Variants in DYNC2LI1 observed in about 807,000 individuals in gnomAD.
DYNC2LI1 encodes the protein dynein cytoplasmic 2 light intermediate chain 1.
In DYNC2LI1, 45 loss-of-function variants were observed where a neutral mutation model predicts 51.9. The ratio of observed to expected loss-of-function variants is 0.87; its 90% CI spans 0.68 to 1.11. The LOEUF (loss-of-function observed/expected upper bound fraction) is 1.11. DYNC2LI1 is among the 50% of genes most tolerant of loss of function. The probability of loss-of-function intolerance (pLI) is 0.00; values close to 1 mark genes in which losing one functional copy is unlikely to be tolerated. For missense variants in DYNC2LI1, 490 were observed against 417.4 expected, an observed-to-expected ratio of 1.17 and a Z score of -1.51; for synonymous variants, 130 against 137.8, an observed-to-expected ratio of 0.94 and a Z score of 0.40.
downstream of DYNC2LI1, among the ~76,000 whole-genome samples, chr2:43,812,244 T>C (rs1353929748): frequency 6.6e-6 from 1 of 152,114 alleles, no homozygotes; most frequent in African/African-American, 2.4e-5. Context: ...ATATGGACTT[T>C]AAATAACAGC....
the DYNC2LI1 span, among the ~76,000 whole-genome samples, chr2:43,817,116 A>G: frequency 0.39 from 58,905 of 152,108 alleles, 13,412 homozygotes; most frequent in African/African-American, 0.63. Flanking sequence ...TGGAATTCAT[A>G]TGAAGCCTTG....
chr2:43,826,263 G>A, the DYNC2LI1 span: 1 of 1,487,904 alleles, frequency 6.7e-7, no homozygotes. Context: ...GCCTCCCAAA[G>A]TGCTGGAATT....
At chr2:43,798,685 A>G (rs187480817) in intron 8 of DYNC2LI1, among the ~76,000 whole-genome samples, 4 of 152,354 alleles carry the variant, frequency 2.6e-5, no homozygotes, top group Admixed American at 2.0e-4. Context: ...ATCAGGGACC[A>G]GGGAATGACT....
intron 5 of DYNC2LI1, 81 bp from the exon 6 acceptor site, chr2:43,794,376 C>T: frequency 7.3e-7 from 1 of 1,367,482 alleles, no homozygotes; most frequent in Non-Finnish European, 9.8e-7. Flanking sequence ...TTTAGTTATT[C>T]TTAGATAAAT....
intron 10 of DYNC2LI1, among the ~76,000 whole-genome samples, chr2:43,802,450 A>G (rs1176812735): frequency 6.6e-6 from 1 of 151,862 alleles, no homozygotes; most frequent in Non-Finnish European, 1.5e-5. Flanking sequence ...AAATATAGAA[A>G]TCTTTGTAAT....
At chr2:43,816,350 G>A in the DYNC2LI1 span, among the ~76,000 whole-genome samples, 13 of 152,296 alleles carry the variant, frequency 8.5e-5, no homozygotes, top group African/African-American at 2.6e-4. Context: ...GTGTGTGATA[G>A]GCTGAGAGAG....
intron 12 of DYNC2LI1, among the ~76,000 whole-genome samples, chr2:43,808,767 C>G (rs1215241449): frequency 1.3e-5 from 2 of 152,148 alleles, no homozygotes; most frequent in South Asian, 2.1e-4. Context: ...CATGTGGCCA[C>G]TGTTATTTTT....
intron 11 of DYNC2LI1, 109 bp downstream of exon 11, chr2:43,804,848 C>A: frequency 1.6e-6 from 1 of 625,310 alleles, no homozygotes; most frequent in Non-Finnish European, 2.6e-6. Context: ...CTTTTATGCT[C>A]AAAAATCAAT....
the DYNC2LI1 span, chr2:43,826,645 G>A: frequency 2.8e-6 from 4 of 1,408,922 alleles, no homozygotes; most frequent in Middle Eastern, 2.1e-4. Context: ...GCGGTGGGAA[G>A]TAAACATGTA....
At chr2:43,827,522 A>G in the DYNC2LI1 span, among the ~76,000 whole-genome samples, 1 of 152,258 alleles carries the variant, frequency 6.6e-6, no homozygotes, top group South Asian at 2.1e-4. Flanking sequence ...CAAACCTGGC[A>G]GAGGACTGAC....
At chr2:43,825,701 G>C in the DYNC2LI1 span, among the ~76,000 whole-genome samples, 1 of 150,828 alleles carries the variant, frequency 6.6e-6, no homozygotes, top group Admixed American at 6.6e-5. Flanking sequence ...CAACCTCCTG[G>C]GTTCAAGCGA....
Position 43,785,440 on chromosome 2 carries a change from A to C in DYNC2LI1, c.162-1741A>C, listed in dbSNP as rs1673480657. On this transcript the variant is annotated intron_variant, in intron 3 of 12. Transcript: ENST00000260605. Reference sequence around the variant, plus strand: ...GTTAAATGAGCCAGAAACAAAAAAAACACAAATATTGGGGTGGGTGCAGTG... The same window carrying C: ...GTTAAATGAGCCAGAAACAAAAAAACCACAAATATTGGGGTGGGTGCAGTG... Among the ~76,000 whole-genome samples, 2 of 151,704 alleles carry C rather than the reference A, an allele frequency of 1.3e-5. 1 individual carries two copies. Among genetic ancestry groups the C allele is most frequent in the Admixed American group, 1.3e-4 (2 of 15,234 alleles).
chr2:43,788,987 A>G lies in DYNC2LI1; in HGVS notation c.232-646A>G, dbSNP rs114889950. On this transcript the variant is annotated intron_variant, in intron 4 of 12. Transcript: ENST00000260605. Reference sequence around the variant, plus strand: ...GGCTGCCTAGCCCTGTCAGTTTCCTATTATTTTGAGGGTCCTATGAAAAGA... The same window carrying G: ...GGCTGCCTAGCCCTGTCAGTTTCCTGTTATTTTGAGGGTCCTATGAAAAGA... Among the ~76,000 whole-genome samples the G allele has an allele frequency of 4.7e-3, 709 of 152,124 alleles. 6 individuals are homozygous for G. Among genetic ancestry groups the G allele is most frequent in the African/African-American group, 0.017 (686 of 41,492 alleles).
At chr2:43,824,760 C>G in the DYNC2LI1 span, 1 of 1,482,480 alleles carries the variant, frequency 6.7e-7, no homozygotes, top group Non-Finnish European at 9.2e-7. Flanking sequence ...AAATTGATTC[C>G]TTGAAGAGTA....
At chr2:43,795,208 G>T (rs1673976534) in intron 6 of DYNC2LI1, 1 of 988,378 alleles carries the variant, frequency 1.0e-6, no homozygotes, top group South Asian at 4.6e-5. Context: ...ATTATCCAGA[G>T]TTTATAAGAA....
intron 1 of DYNC2LI1, 59 bp from the exon 2 acceptor site, chr2:43,776,723 A>G: frequency 2.6e-6 from 2 of 780,472 alleles, no homozygotes; most frequent in Non-Finnish European, 4.2e-6. Flanking sequence ...CTGAGCTTGA[A>G]ATAAATATTT....
intron 5 of DYNC2LI1, chr2:43,794,170 G>A (rs1292193554): frequency 3.9e-6 from 1 of 255,742 alleles, no homozygotes. Flanking sequence ...TGGCATTGTC[G>A]ATGCAAATGC....
chr2:43,810,317 G>C, downstream of DYNC2LI1: 1 of 974,332 alleles, frequency 1.0e-6, no homozygotes, highest in Non-Finnish European at 1.2e-6. Context: ...TTTTTAATCA[G>C]CACCAATTTC....
the DYNC2LI1 span, among the ~76,000 whole-genome samples, chr2:43,817,007 C>A: frequency 6.6e-6 from 1 of 152,132 alleles, no homozygotes; most frequent in Non-Finnish European, 1.5e-5. Flanking sequence ...AGGCAGTTCA[C>A]CCAGAAAGAT....
Sources: allele counts gnomAD v4.1 joint callset (sites outside exome capture counted in the v4.1 genomes callset), GRCh38; gene constraint gnomAD v4.1.1; transcripts MANE v1.5; gene names NCBI Gene and HGNC (gene_info 2026-07-23, HGNC 2026-07-21).